The following APPBP2 variants were observed in gnomAD, a reference collection of about 807,000 sequenced individuals.
APPBP2 encodes the protein amyloid beta precursor protein binding protein 2.
Under a neutral mutation model 76.0 loss-of-function variants are expected in APPBP2, and 15 were observed. The ratio of observed to expected loss-of-function variants is 0.20; its 90% confidence interval spans 0.13 to 0.30. APPBP2 has a LOEUF of 0.30. Ranked by LOEUF, APPBP2 falls within the 10% of genes least tolerant of loss-of-function variation. The pLI is 1.00. For synonymous variants in APPBP2, 222 were observed against 242.2 expected (o/e 0.92, Z 0.77); for missense variants, 401 against 687.2 (o/e 0.58, Z 4.66).
At chr17:60,500,119 T>C (rs1160215813) in intron 2 of APPBP2, among the ~76,000 whole-genome samples, 1 of 151,934 alleles carries the variant, frequency 6.6e-6, no homozygotes, top group Non-Finnish European at 1.5e-5. Context: ...TCACGCCATT[T>C]TCCTGCCTCA....
chr17:60,516,467 T>C (rs1337925104), intron 1 of APPBP2, among the ~76,000 whole-genome samples: 2 of 152,234 alleles, frequency 1.3e-5, no homozygotes, highest in African/African-American at 4.8e-5. Context: ...GGAGAAAGTT[T>C]AGGAACCTCT....
At chr17:60,510,222 G>A (rs1055767064) in intron 1 of APPBP2, among the ~76,000 whole-genome samples, 3 of 151,852 alleles carry the variant, frequency 2.0e-5, no homozygotes, top group Non-Finnish European at 4.4e-5. Context: ...GGGCAATGTA[G>A]CAAGACCCCC....
At chr17:60,481,158 T>C (rs1350347295) in intron 3 of APPBP2, among the ~76,000 whole-genome samples, 3 of 152,056 alleles carry the variant, frequency 2.0e-5, no homozygotes, top group Admixed American at 1.3e-4. Flanking sequence ...CCCCTCCAAC[T>C]CCTACTTTTT....
chr17:60,519,778 A>ATTT (rs748167583), intron 1 of APPBP2, among the ~76,000 whole-genome samples: 86 of 117,820 alleles, frequency 7.3e-4, no homozygotes, highest in African/African-American at 1.9e-3. Context: ...GCCAAATTTA[A>ATTT]TTTTTTTTTT....
chr17:60,505,960 G>C (rs936714672), intron 1 of APPBP2, among the ~76,000 whole-genome samples: 12 of 151,780 alleles, frequency 7.9e-5, no homozygotes, highest in South Asian at 4.2e-4. Context: ...TGGGATTACA[G>C]GTGTGAGCCA....
chr17:60,511,043 T>G (rs1225279998), intron 1 of APPBP2, among the ~76,000 whole-genome samples: 3 of 152,178 alleles, frequency 2.0e-5, no homozygotes, highest in African/African-American at 7.2e-5. Flanking sequence ...AATGGCATAA[T>G]TTTCAAGATA....
chr17:60,512,974 T>G (rs1237711801), intron 1 of APPBP2, among the ~76,000 whole-genome samples: 67 of 141,998 alleles, frequency 4.7e-4, no homozygotes, highest in South Asian at 1.0e-3. Flanking sequence ...TTTTTTTTTT[T>G]TGACCCTGGG....
At chr17:60,513,589 C>T (rs574265489) in intron 1 of APPBP2, 22 of 374,800 alleles carry the variant, frequency 5.9e-5, no homozygotes, top group South Asian at 3.6e-4. Context: ...AGGGCGGGCA[C>T]GGTGGCTCAC....
At chr17:60,517,669 CA>C (rs1317616296) in intron 1 of APPBP2, among the ~76,000 whole-genome samples, 1 of 152,176 alleles carries the variant, frequency 6.6e-6, no homozygotes, top group East Asian at 1.9e-4. Context: ...TCACTTTTAT[CA>C]TAATACAGGT....
chr17:60,501,592 T>C (rs71373854), intron 1 of APPBP2, among the ~76,000 whole-genome samples: 107 of 152,238 alleles, frequency 7.0e-4, no homozygotes, highest in Admixed American at 1.1e-3. Context: ...GAGACGGGGT[T>C]TCACCATGTT....
intron 1 of APPBP2, among the ~76,000 whole-genome samples, chr17:60,524,275 CAT>C (rs1354240495): frequency 2.0e-5 from 3 of 152,180 alleles, no homozygotes; most frequent in Non-Finnish European, 4.4e-5. Flanking sequence ...TGAGAGATTA[CAT>C]ATGAGGTACA....
At chr17:60,457,757 T>C (rs182785977) in intron 9 of APPBP2, among the ~76,000 whole-genome samples, 1 of 152,362 alleles carries the variant, frequency 6.6e-6, no homozygotes, top group East Asian at 1.9e-4. Flanking sequence ...TGTCAATGAC[T>C]ATTTCCATTT....
At chr17:60,465,457 A>T (rs1245294698) in intron 5 of APPBP2, among the ~76,000 whole-genome samples, 1 of 152,204 alleles carries the variant, frequency 6.6e-6, no homozygotes, top group Non-Finnish European at 1.5e-5. Flanking sequence ...CTTATTTATC[A>T]CTAGAAGATT....
At chr17:60,519,444 T>C (rs1020165903) in intron 1 of APPBP2, among the ~76,000 whole-genome samples, 2 of 151,258 alleles carry the variant, frequency 1.3e-5, no homozygotes, top group African/African-American at 4.9e-5. Flanking sequence ...GGTCGGTCTC[T>C]ACAAAAAAAA....
intron 4 of APPBP2, among the ~76,000 whole-genome samples, chr17:60,474,840 C>T (rs2090577756): frequency 6.6e-6 from 1 of 152,106 alleles, no homozygotes; most frequent in South Asian, 2.1e-4. Flanking sequence ...TTACAATATT[C>T]ATTACCTACC....
chr17:60,464,627 T>C (rs1339489330), intron 5 of APPBP2, among the ~76,000 whole-genome samples: 1 of 152,208 alleles, frequency 6.6e-6, no homozygotes, highest in Non-Finnish European at 1.5e-5. Flanking sequence ...TACGTACTAT[T>C]AGGGGAAACA....
chr17:60,486,015 G>A (rs537373263), intron 3 of APPBP2, among the ~76,000 whole-genome samples: 43 of 152,306 alleles, frequency 2.8e-4, no homozygotes, highest in Non-Finnish European at 4.9e-4. Context: ...GGTTTTGAGC[G>A]ACTTTCTTAA....
At chr17:60,487,528 T>C (rs770121889) in intron 3 of APPBP2, among the ~76,000 whole-genome samples, 10 of 152,234 alleles carry the variant, frequency 6.6e-5, no homozygotes, top group East Asian at 3.8e-4. Context: ...TCTCGCGCCA[T>C]GGTTTTCAGC....
chr17:60,472,405 A>T (rs1395700474), intron 4 of APPBP2, among the ~76,000 whole-genome samples: 2 of 152,192 alleles, frequency 1.3e-5, no homozygotes, highest in East Asian at 3.8e-4. Flanking sequence ...CATTTCTAAA[A>T]AATTTGTCCA....
Sources: gnomAD v4.1 joint callset for allele counts (sites outside exome capture counted in the v4.1 genomes callset) on GRCh38, gnomAD v4.1.1 for gene constraint, MANE v1.5 for transcripts, NCBI Gene and HGNC (gene_info 2026-07-23, HGNC 2026-07-21) for gene names.